CFAP54: variants seen among roughly 807,000 people sequenced by gnomAD.
The protein encoded by CFAP54 is cilia- and flagella-associated protein 54.
CFAP54 carries 290 observed loss-of-function variants against 370.4 expected under a neutral mutation model. That is an observed-to-expected ratio of 0.78 (90% CI 0.71 to 0.86). CFAP54 has a LOEUF of 0.86. Among genes scored for constraint, CFAP54 ranks in the 40% least tolerant of loss-of-function variants. The pLI is 0.00. For synonymous variants in CFAP54, 1,206 were observed against 1,236.5 expected (o/e 0.98, Z 0.52); for missense variants, 3,399 against 3,528.7 (o/e 0.96, Z 0.93).
intron 66 of CFAP54, among the ~76,000 whole-genome samples, chr12:96,856,086 C>T (rs749509298): frequency 2.0e-5 from 3 of 152,166 alleles, no homozygotes; most frequent in African/African-American, 4.8e-5. Flanking sequence ...TCTCTGATGC[C>T]ATGGCCTGAG....
At chr12:96,674,336 C>CTT (rs5800259) in intron 39 of CFAP54, among the ~76,000 whole-genome samples, 15,441 of 124,870 alleles carry the variant, frequency 0.12, 1,257 homozygotes, top group Middle Eastern at 0.18. Context: ...CAATGTTTTT[C>CTT]TTTTTTTTTT....
rs770598860 is a variant in CFAP54, at chr12:96,756,565, T to C, written c.7946+2T>C. The C allele has an allele frequency of 1.1e-5, 17 of 1,557,614 alleles. No individual in the cohort carries two copies. The highest frequency in any genetic ancestry group is 1.4e-5 in the Non-Finnish European group (16 of 1,133,094). On this transcript the variant is annotated splice_donor_variant, in intron 57 of 67. Coordinates refer to ENST00000524981, the MANE Select transcript of CFAP54 (RefSeq NM_001306084.2). LOFTEE classifies it high-confidence loss of function. ...CCTGAAAAATGATCAAAACTCAGGG[T>C]AAAAAGATATTCCATTGTTGTAGCT...
intron 66 of CFAP54, among the ~76,000 whole-genome samples, chr12:96,856,191 GCC>G (rs1959699255): frequency 6.6e-6 from 1 of 152,122 alleles, no homozygotes; most frequent in Non-Finnish European, 1.5e-5. Context: ...CCTGGACCCG[GCC>G]CCTGAAGCCA....
intron 32 of CFAP54, among the ~76,000 whole-genome samples, chr12:96,635,655 A>T (rs1397898337): frequency 6.6e-6 from 1 of 152,232 alleles, no homozygotes; most frequent in Non-Finnish European, 1.5e-5. Flanking sequence ...TTCAGAGGCC[A>T]CTCACAAATG....
chr12:96,523,847 G>C (rs945206553), intron 8 of CFAP54, among the ~76,000 whole-genome samples: 5 of 151,172 alleles, frequency 3.3e-5, no homozygotes, highest in African/African-American at 1.2e-4. Flanking sequence ...TAAAATTCCA[G>C]ATAAAATTAC....
rs758337348 is a variant in CFAP54, at chr12:96,657,883, C to T, written c.5102C>T (p.Pro1701Leu). 6 of 1,598,584 alleles carry T rather than the reference C, an allele frequency of 3.8e-6. No individual in the cohort carries two copies. The East Asian group carries it at 1.1e-4, about 30-fold the overall frequency. The change falls in exon 37 of 68, where the codon CCT becomes CTT. Residue 1701 changes from proline to leucine, a missense_variant and splice_region_variant. Around this residue, in one of 3 missense-constraint regions of CFAP54, gnomAD observed 2,796 missense variants for 2,869.7 expected, o/e 0.97. Transcript: ENST00000524981. ...TTTTTTTCACTGTGCTACTTGCAGC[C>T]TATTGAAGACAAAGGAGAATTCAGT... is the stretch of plus-strand genomic sequence containing the variant. ...IQLQNTSSIK[P>L]IEDKGEFSVP...
chr12:96,659,558 C>T (rs193050084), intron 38 of CFAP54, among the ~76,000 whole-genome samples: 18 of 152,176 alleles, frequency 1.2e-4, no homozygotes, highest in African/African-American at 3.6e-4. Context: ...TTTATACCAA[C>T]GCAATTATAA....
At position 96,753,881 on chromosome 12, in the gene CFAP54, A is replaced by G. The variant is rs1435435419; in HGVS notation, c.7823A>G (p.Glu2608Gly). 6.2e-6 allele frequency: 10 copies of G among 1,613,788 alleles called. No individual in the cohort carries two copies. The highest frequency in any genetic ancestry group is 8.5e-6 in the Non-Finnish European group (10 of 1,179,808). Reference protein sequence around the residue: ...TAVEEHEVEAEILFQKGKIER... With the variant: ...TAVEEHEVEAGILFQKGKIER... Reference sequence around the variant, plus strand: ...GTGGAGGAACATGAGGTGGAAGCTGAAATCCTTTTTCAGAAAGGTAAAATG... The same window carrying G: ...GTGGAGGAACATGAGGTGGAAGCTGGAATCCTTTTTCAGAAAGGTAAAATG... The change falls in exon 56 of 68, where the codon GAA (glutamate) becomes GGA (glycine). Residue 2608 changes from glutamate to glycine, a missense_variant. Glu to Gly is a moderately conservative substitution (Grantham distance 98). Coordinates refer to ENST00000524981, the MANE Select transcript of CFAP54 (RefSeq NM_001306084.2).
At chr12:96,663,795 C>G in intron 38 of CFAP54, 35 bp from the exon 39 acceptor site, 1 of 1,470,884 alleles carries the variant, frequency 6.8e-7, no homozygotes, top group Non-Finnish European at 9.5e-7. Flanking sequence ...CTATAAATAC[C>G]CGACTAATAT....
chr12:96,815,954 G>T (rs1958970353), intron 64 of CFAP54, among the ~76,000 whole-genome samples: 1 of 152,126 alleles, frequency 6.6e-6, no homozygotes, highest in Admixed American at 6.5e-5. Context: ...ATGCTGTTTG[G>T]GTTACTGTAG....
At chr12:96,805,559 A>G (rs1958868903) in intron 63 of CFAP54, among the ~76,000 whole-genome samples, 1 of 133,378 alleles carries the variant, frequency 7.5e-6, no homozygotes, top group Non-Finnish European at 1.6e-5. Flanking sequence ...CAGAATGACT[A>G]TTATTAAAAA....
chr12:96,650,560 C>T (rs1046309928), intron 35 of CFAP54, among the ~76,000 whole-genome samples: 4 of 152,012 alleles, frequency 2.6e-5, no homozygotes, highest in Non-Finnish European at 4.4e-5. Context: ...CTCTCAAATG[C>T]TTTTCTTTCT....
At chr12:96,803,328 T>C (rs1958842343) in intron 63 of CFAP54, among the ~76,000 whole-genome samples, 1 of 152,126 alleles carries the variant, frequency 6.6e-6, no homozygotes, top group South Asian at 2.1e-4. Context: ...CCACAGCCTC[T>C]GTTGTTTCCT....
At chr12:96,595,485 G>C (rs1318466147) in intron 25 of CFAP54, among the ~76,000 whole-genome samples, 1 of 152,172 alleles carries the variant, frequency 6.6e-6, no homozygotes, top group Non-Finnish European at 1.5e-5. Flanking sequence ...TCAGCATCAT[G>C]ATCATCACTG....
chr12:96,675,831 C>T (rs551894267), intron 39 of CFAP54, among the ~76,000 whole-genome samples: 51 of 151,700 alleles, frequency 3.4e-4, no homozygotes, highest in African/African-American at 5.1e-4. Flanking sequence ...AGCAAACTAT[C>T]GCAAGGACAA....
At chr12:96,575,190 T>G (rs1435663328) in intron 19 of CFAP54, among the ~76,000 whole-genome samples, 1 of 152,174 alleles carries the variant, frequency 6.6e-6, no homozygotes, top group African/African-American at 2.4e-5. Flanking sequence ...TGTATTCACA[T>G]TCTTTGCCCA....
intron 26 of CFAP54, among the ~76,000 whole-genome samples, chr12:96,617,217 G>A (rs371039534): frequency 3.9e-5 from 6 of 152,264 alleles, no homozygotes; most frequent in African/African-American, 1.2e-4. Context: ...TTTTGGAGTC[G>A]ATAGGATATC....
At chr12:96,664,697 C>CTATATATATATATATCTATATATA in intron 39 of CFAP54, among the ~76,000 whole-genome samples, 1 of 76,030 alleles carries the variant, frequency 1.3e-5, no homozygotes, top group Non-Finnish European at 2.5e-5. Context: ...GGGTATATAT[C>CTATATATATATATATCTATATATA]TATATATATA....
chr12:96,552,868 A>G (rs953080449), intron 15 of CFAP54, among the ~76,000 whole-genome samples: 3 of 152,180 alleles, frequency 2.0e-5, no homozygotes. Flanking sequence ...ATAGTTTTAA[A>G]TTAGTCTTCC....
Sources: gnomAD v4.1 joint callset for allele counts (sites outside exome capture counted in the v4.1 genomes callset) on GRCh38, gnomAD v4.1.1 for gene constraint, gnomAD v4.1.1 regional missense constraint, MANE v1.5 for transcripts, NCBI Gene and HGNC (gene_info 2026-07-23, HGNC 2026-07-21) for gene names.